YWHAQ: variants seen among roughly 807,000 people sequenced by gnomAD.
YWHAQ encodes the protein 14-3-3 protein theta.
YWHAQ carries 6 observed loss-of-function variants against 28.3 expected under a neutral mutation model. That is an observed-to-expected ratio of 0.21 (90% CI 0.12 to 0.42). The LOEUF (loss-of-function observed/expected upper bound fraction) is 0.42. Among genes scored for constraint, YWHAQ ranks in the 10% least tolerant of loss-of-function variants. The pLI is 1.00. For synonymous variants in YWHAQ, 143 were observed against 119.1 expected, an observed-to-expected ratio of 1.20 and a Z score of -1.31; for missense variants, 201 against 305.6, an observed-to-expected ratio of 0.66 and a Z score of 2.55.
In YWHAQ at chr2:9,591,180, C is replaced by A. The variant is rs556531293; in HGVS notation, c.418+212G>T. 2.0e-5 allele frequency among the ~76,000 whole-genome samples: 3 copies of A among 152,282 alleles called. No individual in the cohort carries two copies. The East Asian group carries it at 5.8e-4, about 29-fold the overall frequency. On this transcript the variant is annotated intron_variant, in intron 3 of 5. Coordinates refer to ENST00000238081, the MANE Select transcript of YWHAQ (RefSeq NM_006826.4). Reference sequence around the variant, plus strand: ...ATACCATATGAGATTACAGAGTTCACAGATGAGCTTAATTTTTTTAAAGAG... The same window carrying A: ...ATACCATATGAGATTACAGAGTTCAAAGATGAGCTTAATTTTTTTAAAGAG...
At chr2:9,594,619 C>G (rs562372588) in intron 2 of YWHAQ, among the ~76,000 whole-genome samples, 7 of 152,232 alleles carry the variant, frequency 4.6e-5, no homozygotes, top group Admixed American at 1.3e-4. Context: ...TTTCTTGTTC[C>G]TCCAAGTGAG....
chr2:9,626,182 G>A (rs571144177), intron 2 of YWHAQ, among the ~76,000 whole-genome samples: 17 of 152,306 alleles, frequency 1.1e-4, no homozygotes, highest in Admixed American at 2.0e-4. Context: ...TTATGCTGAA[G>A]TAATTTACTG....
chr2:9,615,008 C>A (rs1667017150), intron 2 of YWHAQ, among the ~76,000 whole-genome samples: 1 of 152,046 alleles, frequency 6.6e-6, no homozygotes, highest in South Asian at 2.1e-4. Flanking sequence ...ACATAAAAAC[C>A]CTGGACATGA....
At position 9,588,246 on chromosome 2, in the gene YWHAQ, G is replaced by A; in HGVS notation, c.501C>T (p.Arg167=). The change falls in exon 4 of 6, where the codon CGC becomes CGT. Residue 167 remains arginine (R), a synonymous_variant. Transcript: ENST00000238081. ...KKEMQPTHPI[R]LGLALNFSVF... ...CAGAAAAGTTAAGAGCAAGCCCCAG[G>A]CGGATTGGGTGTGTGGGTTGCATCT... is the stretch of plus-strand genomic sequence containing the variant. 1 of 1,608,306 alleles carries A rather than the reference G, an allele frequency of 6.2e-7. No individual in the cohort carries two copies.
chr2:9,601,259 T>G (rs546091336), intron 2 of YWHAQ, among the ~76,000 whole-genome samples: 33 of 152,208 alleles, frequency 2.2e-4, no homozygotes, highest in Admixed American at 9.2e-4. Flanking sequence ...GTCAAGGGTT[T>G]GAGACCAGCC....
intron 2 of YWHAQ, among the ~76,000 whole-genome samples, chr2:9,622,959 G>A (rs1667170440): frequency 6.6e-6 from 1 of 152,166 alleles, no homozygotes. Context: ...TACGTTTTCT[G>A]TTGCCATTTG....
At position 9,587,597 on chromosome 2, in the gene YWHAQ, G is replaced by C. The variant is rs975258941; in HGVS notation, c.583-88C>G. 2.8e-4 allele frequency: 321 copies of C among 1,135,408 alleles called. 4 individuals carry two copies. The highest frequency in any genetic ancestry group is 2.2e-4 in the Middle Eastern group (1 of 4,466). The allele number at this position is 1,135,408 out of a possible 1,614,324, so 70.3% of individuals were successfully genotyped here. A position where few individuals can be genotyped will look rare whatever the true frequency, so the allele number is the denominator to read the frequency against. Reference sequence around the variant, plus strand: ...TACAAACCATTTTTACAAAATAAGTGAACACCCACCTTATGTTCTACCATC... The same window carrying C: ...TACAAACCATTTTTACAAAATAAGTCAACACCCACCTTATGTTCTACCATC... On this transcript the variant is annotated intron_variant, in intron 4 of 5. Transcript: ENST00000238081.
At chr2:9,602,981 C>A (rs900888268) in intron 2 of YWHAQ, among the ~76,000 whole-genome samples, 1 of 145,258 alleles carries the variant, frequency 6.9e-6, no homozygotes, top group Non-Finnish European at 1.5e-5. Flanking sequence ...CTTCGGCCTC[C>A]CCAAGTGTTG....
chr2:9,622,843 TTTAA>T (rs1317544476), intron 2 of YWHAQ, among the ~76,000 whole-genome samples: 1 of 152,144 alleles, frequency 6.6e-6, no homozygotes, highest in Non-Finnish European at 1.5e-5. Flanking sequence ...GGATTAAGAG[TTTAA>T]TTAAAGTAGC....
intron 2 of YWHAQ, among the ~76,000 whole-genome samples, chr2:9,626,790 T>C (rs1256881796): frequency 1.3e-5 from 2 of 152,240 alleles, no homozygotes; most frequent in Non-Finnish European, 2.9e-5. Context: ...AGATCACCAA[T>C]GACTTCTGCC....
intron 4 of YWHAQ, 72 bp downstream of exon 4, chr2:9,588,093 C>T: frequency 6.9e-7 from 1 of 1,456,362 alleles, no homozygotes; most frequent in Non-Finnish European, 9.1e-7. Flanking sequence ...AAGTAAAATA[C>T]CTATAAATTA....
At chr2:9,602,570 A>C (rs1666714583) in intron 2 of YWHAQ, among the ~76,000 whole-genome samples, 1 of 151,394 alleles carries the variant, frequency 6.6e-6, no homozygotes, top group African/African-American at 2.4e-5. Flanking sequence ...CCCACCACCC[A>C]GCTGTCTCCC....
At chr2:9,614,777 AAC>A (rs1667013914) in intron 2 of YWHAQ, among the ~76,000 whole-genome samples, 1 of 152,198 alleles carries the variant, frequency 6.6e-6, no homozygotes, top group Non-Finnish European at 1.5e-5. Context: ...TTTGCAGGCT[AAC>A]TTTTCCATTT....
At chr2:9,616,015 CA>C (rs1184991136) in intron 2 of YWHAQ, among the ~76,000 whole-genome samples, 1 of 152,166 alleles carries the variant, frequency 6.6e-6, no homozygotes, top group Non-Finnish European at 1.5e-5. Context: ...TAATAGTACC[CA>C]AATTGCATTT....
chr2:9,618,171 T>A (rs1016436826), intron 2 of YWHAQ, among the ~76,000 whole-genome samples: 10 of 152,204 alleles, frequency 6.6e-5, no homozygotes, highest in Non-Finnish European at 1.5e-4. Flanking sequence ...GTTCTGGAAT[T>A]AATAATGATG....
At chr2:9,619,349 T>A (rs897125413) in intron 2 of YWHAQ, among the ~76,000 whole-genome samples, 1 of 152,166 alleles carries the variant, frequency 6.6e-6, no homozygotes, top group African/African-American at 2.4e-5. Context: ...TTATTCAAAC[T>A]GCATCAGTGT....
In YWHAQ at chr2:9,588,233, G is replaced by A; in HGVS notation, c.514C>T (p.Leu172Phe). 6.2e-7 allele frequency: 1 copy of A among 1,603,914 alleles called. No homozygotes were observed. Among genetic ancestry groups the A allele is most frequent in the Non-Finnish European group, 8.5e-7 (1 of 1,177,128 alleles). ...TCATAGTAAAATACAGAAAAGTTAAGAGCAAGCCCCAGGCGGATTGGGTGT... is the reference window on the plus strand; with the variant it reads ...TCATAGTAAAATACAGAAAAGTTAAAAGCAAGCCCCAGGCGGATTGGGTGT... Reference protein sequence around the residue: ...PTHPIRLGLALNFSVFYYEIL... With the variant: ...PTHPIRLGLAFNFSVFYYEIL... The change falls in exon 4 of 6, where the codon CTT becomes TTT. Residue 172 changes from leucine (L) to phenylalanine (F), a missense_variant. Around this residue, in one of 2 missense-constraint regions of YWHAQ, gnomAD observed 39 missense variants for 91.7 expected, o/e 0.43. Transcript: ENST00000238081.
chr2:9,607,178 C>G (rs1276054136), intron 2 of YWHAQ, among the ~76,000 whole-genome samples: 3 of 148,970 alleles, frequency 2.0e-5, no homozygotes, highest in African/African-American at 7.4e-5. Context: ...ACACGCCTGG[C>G]CTAATATTTT....
chr2:9,623,067 T>C (rs2125073919), intron 2 of YWHAQ, among the ~76,000 whole-genome samples: 1 of 152,338 alleles, frequency 6.6e-6, no homozygotes, highest in African/African-American at 2.4e-5. Context: ...AGCAACACCT[T>C]GACTGAACTA....
Sources: allele counts gnomAD v4.1 joint callset (sites outside exome capture counted in the v4.1 genomes callset), GRCh38; gene constraint gnomAD v4.1.1; regional missense constraint gnomAD v4.1.1; transcripts MANE v1.5; gene names NCBI Gene and HGNC (gene_info 2026-07-23, HGNC 2026-07-21).